ZFAT: variants seen among roughly 807,000 people sequenced by gnomAD.
ZFAT encodes the protein zinc finger and AT-hook domain containing.
A neutral mutation model predicts 117.7 loss-of-function variants in ZFAT; 64 were observed. The ratio of observed to expected loss-of-function variants is 0.54; its 90% CI spans 0.44 to 0.67. ZFAT has a LOEUF of 0.67. Ranked by LOEUF, ZFAT falls within the 30% of genes least tolerant of loss-of-function variation. The probability of loss-of-function intolerance (pLI) is 0.00; values close to 1 mark genes in which losing one functional copy is unlikely to be tolerated. For missense variants in ZFAT, 1,433 were observed against 1,584.5 expected (o/e 0.90, Z 1.62); for synonymous variants, 679 against 615.0 (o/e 1.10, Z -1.54).
At chr8:134,597,040 G>A (rs543293903) in intron 7 of ZFAT, among the ~76,000 whole-genome samples, 1 of 152,044 alleles carries the variant, frequency 6.6e-6, no homozygotes, top group Admixed American at 6.6e-5. Context: ...CAAATTGTAT[G>A]CTATGTAAAA....
At chr8:134,805,290 A>T in the ZFAT span, among the ~76,000 whole-genome samples, 19 of 152,322 alleles carry the variant, frequency 1.2e-4, no homozygotes, top group African/African-American at 4.6e-4. Context: ...AACACATTAG[A>T]ATGATAACCC....
chr8:134,760,696 A>C, the ZFAT span, among the ~76,000 whole-genome samples: 1 of 152,234 alleles, frequency 6.6e-6, no homozygotes, highest in Non-Finnish European at 1.5e-5. Flanking sequence ...CTATTCATTA[A>C]CAAACATTTA....
chr8:134,533,509 A>C (rs1346389647), intron 11 of ZFAT, among the ~76,000 whole-genome samples: 3 of 152,248 alleles, frequency 2.0e-5, no homozygotes, highest in East Asian at 1.9e-4. Flanking sequence ...TTCTACAACT[A>C]AGAATTTGCT....
the ZFAT span, among the ~76,000 whole-genome samples, chr8:134,830,196 CATAA>C: frequency 6.6e-6 from 1 of 152,250 alleles, no homozygotes; most frequent in African/African-American, 2.4e-5. Flanking sequence ...GAGAGAAAAA[CATAA>C]AAATTTATTT....
chr8:134,525,366 G>C (rs1820949983), intron 12 of ZFAT, among the ~76,000 whole-genome samples: 1 of 152,180 alleles, frequency 6.6e-6, no homozygotes, highest in Non-Finnish European at 1.5e-5. Flanking sequence ...CTTATACTTA[G>C]GCAACGAAAG....
the ZFAT span, among the ~76,000 whole-genome samples, chr8:134,790,485 G>T: frequency 5.9e-5 from 9 of 152,266 alleles, no homozygotes; most frequent in African/African-American, 2.2e-4. Flanking sequence ...TAATTTGGCA[G>T]CAGGAGTATG....
At chr8:134,642,464 A>T (rs944407494) in intron 2 of ZFAT, among the ~76,000 whole-genome samples, 1 of 152,244 alleles carries the variant, frequency 6.6e-6, no homozygotes, top group African/African-American at 2.4e-5. Context: ...GATGATTGAT[A>T]AATGGCAACT....
intron 11 of ZFAT, among the ~76,000 whole-genome samples, chr8:134,560,539 T>G (rs572668785): frequency 6.6e-6 from 1 of 152,228 alleles, no homozygotes; most frequent in African/African-American, 2.4e-5. Context: ...ATCAACAGAG[T>G]TAGGGGTCCA....
chr8:134,764,741 C>A, the ZFAT span: 2 of 152,174 alleles, frequency 1.3e-5, no homozygotes, highest in Non-Finnish European at 2.9e-5. Context: ...ACATCTAATT[C>A]TGCTTTTACT....
chr8:134,698,070 C>T (rs1474545656), intron 1 of ZFAT, among the ~76,000 whole-genome samples: 1 of 151,594 alleles, frequency 6.6e-6, no homozygotes, highest in Non-Finnish European at 1.5e-5. Context: ...CGCCTGTAAT[C>T]CCAGCACTTT....
chr8:134,697,072 C>CA (rs1333385354), intron 1 of ZFAT, among the ~76,000 whole-genome samples: 1 of 151,644 alleles, frequency 6.6e-6, no homozygotes, highest in African/African-American at 2.4e-5. Context: ...TGCCCACCGC[C>CA]ACATCTGGCT....
At chr8:134,824,785 T>G in the ZFAT span, among the ~76,000 whole-genome samples, 1 of 152,302 alleles carries the variant, frequency 6.6e-6, no homozygotes, top group East Asian at 1.9e-4. Context: ...AAGATAAAAA[T>G]TACCAGCTTT....
intron 8 of ZFAT, among the ~76,000 whole-genome samples, chr8:134,589,488 T>C (rs1256695119): frequency 1.3e-5 from 2 of 152,242 alleles, no homozygotes; most frequent in Admixed American, 6.5e-5. Context: ...AAGAAGTACC[T>C]GTTACTCCCT....
chr8:134,659,920 T>A (rs929566081), intron 1 of ZFAT, among the ~76,000 whole-genome samples: 3 of 152,216 alleles, frequency 2.0e-5, no homozygotes, highest in Admixed American at 1.3e-4. Context: ...GAGAATTCTT[T>A]CCTACCAACA....
At chr8:134,683,772 T>C (rs892683411) in intron 1 of ZFAT, among the ~76,000 whole-genome samples, 1 of 151,144 alleles carries the variant, frequency 6.6e-6, no homozygotes, top group Non-Finnish European at 1.5e-5. Flanking sequence ...ATCCTGGAGG[T>C]CTGGAGACAG....
At chr8:134,711,356 C>G (rs1174232380) in intron 1 of ZFAT, among the ~76,000 whole-genome samples, 2 of 152,228 alleles carry the variant, frequency 1.3e-5, no homozygotes, top group African/African-American at 4.8e-5. Context: ...AAGTTTCAGA[C>G]TTTGGAGCAT....
chr8:134,770,209 T>G, the ZFAT span, among the ~76,000 whole-genome samples: 1 of 152,166 alleles, frequency 6.6e-6, no homozygotes, highest in East Asian at 1.9e-4. Flanking sequence ...TATCGCATTG[T>G]CAGGCTGCAA....
rs1415597877 is a variant in ZFAT, at chr8:134,610,550, G to A, written c.554C>T (p.Ser185Leu). Residue 185 changes from serine to leucine, a missense_variant, in exon 4 of 16, where the codon TCA becomes TTA. By Grantham distance (145) the Ser-to-Leu change is moderately radical (BLOSUM62 -2). This residue lies in a region of ZFAT where 436 missense variants were observed against 482.0 expected (regional missense o/e 0.90). Transcript: ENST00000377838. ...SQKTEKVQKISGKEARQLSGA... is the reference protein window; with the variant it reads ...SQKTEKVQKILGKEARQLSGA... ...AGAAAGCTGTCTGGCCTCCTTTCCT[G>A]AGATCTTCTGGACTTTCTCTGTTTT... The A allele has an allele frequency of 6.2e-7, 1 of 1,614,152 alleles. No homozygotes were observed.
At chr8:134,737,227 C>G in the ZFAT span, among the ~76,000 whole-genome samples, 1 of 151,882 alleles carries the variant, frequency 6.6e-6, no homozygotes, top group Non-Finnish European at 1.5e-5. Context: ...TTGTGGTGAG[C>G]CGAGATCACG....
Sources: allele counts gnomAD v4.1 joint callset (sites outside exome capture counted in the v4.1 genomes callset), GRCh38; gene constraint gnomAD v4.1.1; regional missense constraint gnomAD v4.1.1; transcripts MANE v1.5; gene names NCBI Gene and HGNC (gene_info 2026-07-23, HGNC 2026-07-21).